The following ZDHHC21 variants were observed in gnomAD, a reference collection of about 807,000 sequenced individuals.
The protein encoded by ZDHHC21 is palmitoyltransferase ZDHHC21.
ZDHHC21 carries 15 observed loss-of-function variants against 34.6 expected under a neutral mutation model. That is an observed-to-expected ratio of 0.43 (90% CI 0.29 to 0.67). ZDHHC21 has a LOEUF of 0.67. Ranked by LOEUF, ZDHHC21 falls within the 30% of genes least tolerant of loss-of-function variation. The pLI is 0.14. For synonymous variants in ZDHHC21, 142 were observed against 101.8 expected (o/e 1.40, Z -2.38); for missense variants, 344 against 327.7 (o/e 1.05, Z -0.38).
chr9:14,624,577 T>C (rs956293746), intron 8 of ZDHHC21, among the ~76,000 whole-genome samples: 5 of 152,118 alleles, frequency 3.3e-5, no homozygotes, highest in Admixed American at 3.3e-4. Flanking sequence ...CTCACTCATA[T>C]GCAGAATCTT....
the ZDHHC21 span, chr9:14,589,417 G>C: frequency 1.3e-5 from 2 of 152,154 alleles, no homozygotes; most frequent in African/African-American, 4.8e-5. Context: ...TCTGTTTGCA[G>C]TCACTTGGTA....
intron 2 of ZDHHC21, among the ~76,000 whole-genome samples, chr9:14,688,089 T>C (rs1347139773): frequency 6.7e-6 from 1 of 149,006 alleles, no homozygotes; most frequent in Non-Finnish European, 1.5e-5. Context: ...AAATATCACA[T>C]AGATATTCAG....
At chr9:14,647,752 T>G (rs1399938043) in intron 7 of ZDHHC21, among the ~76,000 whole-genome samples, 1 of 152,130 alleles carries the variant, frequency 6.6e-6, no homozygotes, top group African/African-American at 2.4e-5. Flanking sequence ...TCACCTTTCT[T>G]ATTACCTTTC....
chr9:14,653,764 G>C (rs1288044872), intron 7 of ZDHHC21, among the ~76,000 whole-genome samples: 1 of 151,892 alleles, frequency 6.6e-6, no homozygotes, highest in Non-Finnish European at 1.5e-5. Context: ...TATGCAATTA[G>C]GCAGCAATGA....
At chr9:14,664,313 C>T (rs1277856189) in intron 5 of ZDHHC21, among the ~76,000 whole-genome samples, 6 of 152,246 alleles carry the variant, frequency 3.9e-5, no homozygotes, top group East Asian at 1.9e-4. Context: ...GCTTAAGAAA[C>T]GGCGCACCAC....
chr9:14,669,857 G>A (rs1332258976), intron 5 of ZDHHC21, among the ~76,000 whole-genome samples: 1 of 114,360 alleles, frequency 8.7e-6, no homozygotes, highest in Non-Finnish European at 1.8e-5. Flanking sequence ...ACTGTGGTGG[G>A]GTGGGGGGAG....
intron 8 of ZDHHC21, among the ~76,000 whole-genome samples, chr9:14,633,321 C>T (rs377263470): frequency 6.6e-6 from 1 of 152,134 alleles, no homozygotes; most frequent in Non-Finnish European, 1.5e-5. Flanking sequence ...CATGGAGAGG[C>T]TCCCCAGTGC....
chr9:14,655,832 T>C (rs576198656), intron 7 of ZDHHC21, among the ~76,000 whole-genome samples: 6 of 146,614 alleles, frequency 4.1e-5, no homozygotes, highest in African/African-American at 1.5e-4. Flanking sequence ...ACTAAGTAAA[T>C]ATTTACTAAA....
rs1287272959 is a variant in ZDHHC21 at position 14,640,076 on chromosome 9, A to G, written c.505-64T>C. The G allele has an allele frequency of 2.3e-5, 19 of 822,990 alleles. No individual in the cohort carries two copies. The East Asian group carries it at 2.8e-4, about 12-fold the overall frequency. 51.0% of individuals were successfully genotyped at this position (822,990 alleles called of 1,614,324 possible). ...TGCTTACATTGCTTACAGTCGCAATAATAATCAAGAATTGAGCCATAACAC... is the reference window on the plus strand; with the variant it reads ...TGCTTACATTGCTTACAGTCGCAATGATAATCAAGAATTGAGCCATAACAC... On this transcript the variant is annotated intron_variant, in intron 7 of 9. Coordinates refer to ENST00000380916, the MANE Select transcript of ZDHHC21 (RefSeq NM_178566.6).
intron 8 of ZDHHC21, among the ~76,000 whole-genome samples, chr9:14,639,645 A>G (rs1293139994): frequency 1.3e-5 from 2 of 152,110 alleles, no homozygotes; most frequent in African/African-American, 2.4e-5. Flanking sequence ...TGTATCAATA[A>G]AAAACTATAA....
intron 4 of ZDHHC21, 107 bp from the exon 5 acceptor site, chr9:14,673,035 G>T: frequency 7.9e-6 from 5 of 629,712 alleles, no homozygotes; most frequent in Non-Finnish European, 9.8e-6. Flanking sequence ...ACCATCAGGA[G>T]AAAAAATTTC....
chr9:14,674,502 T>C (rs1836004978), intron 3 of ZDHHC21, 117 bp from the exon 4 acceptor site: 1 of 555,580 alleles, frequency 1.8e-6, no homozygotes, highest in African/African-American at 2.0e-5. Context: ...TGACATTTTC[T>C]TTCTGTAGTT....
rs527354364 is a variant in ZDHHC21, at chr9:14,648,000, CAT to C, written c.505-7990_505-7989del. Among the ~76,000 whole-genome samples the C allele has an allele frequency of 1.2e-4, 19 of 152,194 alleles. No individual in the cohort carries two copies. The East Asian group carries it at 2.9e-3, about 23-fold the overall frequency. Reference sequence around the variant, plus strand: ...CTGGAAGTTAAGCAGGCAGAGTAAACATGTGTAAAACCCAAATCTTTAACTTC... The same window carrying C: ...CTGGAAGTTAAGCAGGCAGAGTAAACGTGTAAAACCCAAATCTTTAACTTC... On this transcript the variant is annotated intron_variant, in intron 7 of 9. Transcript: ENST00000380916.
downstream of ZDHHC21, among the ~76,000 whole-genome samples, chr9:14,607,694 C>A (rs749721543): frequency 1.3e-5 from 2 of 152,058 alleles, no homozygotes; most frequent in South Asian, 2.1e-4. Flanking sequence ...AAAAACTGAT[C>A]AATTTTTCAT....
intron 3 of ZDHHC21, among the ~76,000 whole-genome samples, chr9:14,676,586 T>C (rs950031150): frequency 3.9e-5 from 6 of 151,992 alleles, no homozygotes; most frequent in African/African-American, 1.4e-4. Flanking sequence ...AACTTGTGTA[T>C]GAATTCTAAA....
At chr9:14,664,575 G>T (rs1587293102) in intron 5 of ZDHHC21, among the ~76,000 whole-genome samples, 1 of 151,138 alleles carries the variant, frequency 6.6e-6, no homozygotes, top group East Asian at 2.0e-4. Context: ...CAAACAAAAA[G>T]ACAGCAGTAA....
chr9:14,658,209 G>A (rs1832642426), intron 7 of ZDHHC21, among the ~76,000 whole-genome samples: 1 of 152,014 alleles, frequency 6.6e-6, no homozygotes, highest in African/African-American at 2.4e-5. Flanking sequence ...CACACGTATT[G>A]AAAGATTCAA....
chr9:14,682,883 T>C (rs896347862), intron 2 of ZDHHC21, among the ~76,000 whole-genome samples: 3 of 152,142 alleles, frequency 2.0e-5, no homozygotes, highest in Non-Finnish European at 2.9e-5. Flanking sequence ...ATTAAGAAAC[T>C]CACTCAAAAC....
intron 6 of ZDHHC21, among the ~76,000 whole-genome samples, chr9:14,659,456 C>T (rs1326336425): frequency 6.6e-6 from 1 of 152,098 alleles, no homozygotes; most frequent in Admixed American, 6.5e-5. Flanking sequence ...ATACTTCCAC[C>T]AATACAACAG....
Sources: allele counts gnomAD v4.1 joint callset (sites outside exome capture counted in the v4.1 genomes callset), GRCh38; gene constraint gnomAD v4.1.1; transcripts MANE v1.5; gene names NCBI Gene and HGNC (gene_info 2026-07-23, HGNC 2026-07-21).